The following DIP2B variants were observed in gnomAD, a reference collection of about 807,000 sequenced individuals.
DIP2B encodes the protein DIP2 acetate--CoA ligase B (putative), also known as disco-interacting protein 2 homolog B.
A neutral mutation model predicts 198.0 loss-of-function variants in DIP2B; 76 were observed. The ratio of observed to expected loss-of-function variants is 0.38; its 90% CI spans 0.32 to 0.46. The LOEUF (loss-of-function observed/expected upper bound fraction) is 0.46, where lower values mean the gene tolerates loss of function less well. Among genes scored for constraint, DIP2B ranks in the 20% least tolerant of loss-of-function variants. DIP2B has a pLI of 0.99. For synonymous variants in DIP2B, 701 were observed against 739.1 expected, an observed-to-expected ratio of 0.95 and a Z score of 0.84; for missense variants, 1,559 against 1,978.4, an observed-to-expected ratio of 0.79 and a Z score of 4.02.
At chr12:50,562,199 C>G (rs1565825246) in intron 1 of DIP2B, among the ~76,000 whole-genome samples, 1 of 152,096 alleles carries the variant, frequency 6.6e-6, no homozygotes, top group African/African-American at 2.4e-5. Flanking sequence ...GGGTAACAAG[C>G]TGTTCTTCCA....
chr12:50,612,430 C>CTT lies in DIP2B; in HGVS notation c.101-13530_101-13529dup, dbSNP rs34710255. ...ATTCTGAGTATATTTTTCATAATAACTTTTTTTTTTTTTTTTTGAGACAGT... is the reference window on the plus strand; with the variant it reads ...ATTCTGAGTATATTTTTCATAATAACTTTTTTTTTTTTTTTTTTTGAGACAGT... On this transcript the variant is annotated intron_variant, in intron 1 of 37. Transcript: ENST00000301180. Among the ~76,000 whole-genome samples the CTT allele has an allele frequency of 1.6e-3, 222 of 136,768 alleles. 3 individuals are homozygous for CTT. Among genetic ancestry groups the CTT allele is most frequent in the South Asian group, 6.9e-3 (29 of 4,218 alleles). 89.7% of individuals were successfully genotyped at this position (136,768 alleles called of 152,430 possible). A position where few individuals can be genotyped will look rare whatever the true frequency, so the allele number is the denominator to read the frequency against.
At chr12:50,542,607 A>C (rs1390274159) in intron 1 of DIP2B, among the ~76,000 whole-genome samples, 1 of 152,198 alleles carries the variant, frequency 6.6e-6, no homozygotes, top group Non-Finnish European at 1.5e-5. Flanking sequence ...CCACACCTAG[A>C]AACCTTGACA....
At chr12:50,623,951 T>C (rs1171500553) in intron 1 of DIP2B, among the ~76,000 whole-genome samples, 1 of 152,198 alleles carries the variant, frequency 6.6e-6, no homozygotes, top group Non-Finnish European at 1.5e-5. Flanking sequence ...ACTCTCCTAG[T>C]TGAAAGCCAC....
intron 22 of DIP2B, among the ~76,000 whole-genome samples, chr12:50,713,536 CA>C: frequency 6.6e-6 from 1 of 152,338 alleles, no homozygotes; most frequent in East Asian, 1.9e-4. Flanking sequence ...GCTGCGAGCA[CA>C]GGTACGCTCA....
intron 10 of DIP2B, among the ~76,000 whole-genome samples, chr12:50,683,806 AAAAT>A (rs1291507707): frequency 2.0e-5 from 3 of 150,792 alleles, no homozygotes; most frequent in African/African-American, 4.9e-5. Flanking sequence ...AAATAAATAA[AAAAT>A]AAATAAATAT....
intron 1 of DIP2B, among the ~76,000 whole-genome samples, chr12:50,555,133 C>G (rs377095622): frequency 2.7e-4 from 41 of 152,224 alleles, no homozygotes; most frequent in African/African-American, 9.6e-4. Flanking sequence ...TTCCTAGTGT[C>G]CCCCATTCTA....
chr12:50,576,627 C>T (rs1032126763), intron 1 of DIP2B, among the ~76,000 whole-genome samples: 1 of 150,960 alleles, frequency 6.6e-6, no homozygotes, highest in African/African-American at 2.4e-5. Context: ...TACAGGCGCC[C>T]GTCACCACGC....
rs186381944 is a variant in DIP2B, at chr12:50,708,722, T to C, written c.2649+160T>C. Among the ~76,000 whole-genome samples the C allele has an allele frequency of 2.6e-5, 4 of 152,302 alleles. No homozygotes were observed. The East Asian group carries it at 7.7e-4, about 29-fold the overall frequency. ...GCAAAATCAGATAATTAATACCATT[T>C]CTCCTTGTGGACCACATGGTATTTT... On this transcript the variant is annotated intron_variant, in intron 22 of 37. Transcript: ENST00000301180.
At chr12:50,601,091 T>C (rs1958932052) in intron 1 of DIP2B, among the ~76,000 whole-genome samples, 1 of 152,178 alleles carries the variant, frequency 6.6e-6, no homozygotes, top group African/African-American at 2.4e-5. Context: ...ATATAATCTG[T>C]TTATCTGTTA....
At chr12:50,706,436 T>A in intron 20 of DIP2B, 102 bp from the exon 21 acceptor site, 1 of 1,399,596 alleles carries the variant, frequency 7.1e-7, no homozygotes, top group South Asian at 1.4e-5. Context: ...GTTGTGTTTT[T>A]AATACTTTTT....
At chr12:50,728,705 GA>G in intron 30 of DIP2B, 27 bp downstream of exon 30, 1 of 1,612,030 alleles carries the variant, frequency 6.2e-7, no homozygotes. Flanking sequence ...CAAGGAGACA[GA>G]ATGTGTGGGG....
intron 3 of DIP2B, among the ~76,000 whole-genome samples, chr12:50,654,291 T>TA (rs1565859959): frequency 6.6e-6 from 1 of 151,922 alleles, no homozygotes; most frequent in Non-Finnish European, 1.5e-5. Flanking sequence ...TTGCATGGTT[T>TA]AAAAAAAGCC....
Position 50,629,053 on chromosome 12 carries a change from A to AT in DIP2B, c.172+3015dup, listed in dbSNP as rs112085438. On this transcript the variant is annotated intron_variant, in intron 2 of 37. Transcript: ENST00000301180. ...GCTCCCACACCCAGCTAATTTTTGT[A>AT]TTTTTTTTTGTAGAGACAGGGTTTT... is the stretch of plus-strand genomic sequence containing the variant. Among the ~76,000 whole-genome samples, 48 of 150,548 alleles carry AT rather than the reference A, an allele frequency of 3.2e-4. No individual in the cohort carries two copies. In the East Asian group the frequency reaches 3.7e-3, roughly 12 times the overall value.
At chr12:50,518,972 G>A (rs143858601) in intron 1 of DIP2B, among the ~76,000 whole-genome samples, 372 of 152,138 alleles carry the variant, frequency 2.4e-3, no homozygotes, top group African/African-American at 8.5e-3. Flanking sequence ...TTGAACTCCC[G>A]GGCTCAAGCA....
At chr12:50,650,533 A>C (rs997859390) in intron 3 of DIP2B, among the ~76,000 whole-genome samples, 1 of 152,140 alleles carries the variant, frequency 6.6e-6, no homozygotes, top group African/African-American at 2.4e-5. Flanking sequence ...GAATTTGAGT[A>C]CTTCATATAA....
At chr12:50,599,014 G>A (rs1363879310) in intron 1 of DIP2B, among the ~76,000 whole-genome samples, 1 of 144,776 alleles carries the variant, frequency 6.9e-6, no homozygotes, top group African/African-American at 2.6e-5. Context: ...TCTTGGCTGG[G>A]CACAGTGGCT....
chr12:50,658,193 A>G (rs369548059), intron 3 of DIP2B, among the ~76,000 whole-genome samples: 4 of 152,096 alleles, frequency 2.6e-5, no homozygotes, highest in East Asian at 1.9e-4. Flanking sequence ...CTGGAGTACA[A>G]TGGTGTGATC....
intron 1 of DIP2B, among the ~76,000 whole-genome samples, chr12:50,553,794 C>A (rs756467055): frequency 2.0e-5 from 3 of 152,114 alleles, no homozygotes; most frequent in Non-Finnish European, 4.4e-5. Context: ...GCTAGGACTA[C>A]AGCATGTGCC....
At chr12:50,678,221 G>A (rs1350346835) in intron 7 of DIP2B, among the ~76,000 whole-genome samples, 1 of 151,836 alleles carries the variant, frequency 6.6e-6, no homozygotes, top group Non-Finnish European at 1.5e-5. Context: ...CCAAGCTCAG[G>A]TAAATCAATT....
Sources: gnomAD v4.1 joint callset for allele counts (sites outside exome capture counted in the v4.1 genomes callset) on GRCh38, gnomAD v4.1.1 for gene constraint, MANE v1.5 for transcripts, NCBI Gene and HGNC (gene_info 2026-07-23, HGNC 2026-07-21) for gene names.